AGPAT4: variants seen among roughly 807,000 people sequenced by gnomAD.
AGPAT4 encodes 1-acylglycerol-3-phosphate O-acyltransferase 4.
A neutral mutation model predicts 48.0 loss-of-function variants in AGPAT4; 15 were observed. That is an observed-to-expected ratio of 0.31 (90% CI 0.21 to 0.48). The LOEUF (loss-of-function observed/expected upper bound fraction) is 0.48, where lower values mean the gene tolerates loss of function less well. AGPAT4 is among the 20% of genes least tolerant of loss of function. The pLI is 0.99. For synonymous variants in AGPAT4, 178 were observed against 198.7 expected (o/e 0.90, Z 0.88); for missense variants, 314 against 482.5 (o/e 0.65, Z 3.27).
In AGPAT4 at chr6:161,245,784, G is replaced by A. The variant is rs769037369; in HGVS notation, c.-89-13482C>T. ...GGTAAGGAGTGCGAGGAAGGCGGGA[G>A]AATCAATATGGCTGGATTTTAAATC... On this transcript the variant is annotated intron_variant, in intron 1 of 8. Transcript: ENST00000320285. This position sits in a 1 kb window ranked among gnomAD's most constrained non-coding sequence, Gnocchi z 5.2. Among the ~76,000 whole-genome samples the A allele has an allele frequency of 6.6e-6, 1 of 152,170 alleles. No homozygotes were observed. The highest frequency in any genetic ancestry group is 1.5e-5 in the Non-Finnish European group (1 of 68,032).
rs982036853 is a variant in AGPAT4, at chr6:161,200,812, T to C, written c.178+31224A>G. ...GGATGGCTCTTGTCTCTGAGAAGGT[T>C]ATTCTATTTGGCCACAATTTCTGAT... On this transcript the variant is annotated intron_variant, in intron 2 of 8. Transcript: ENST00000320285. The surrounding 1 kb of genome is among the most constrained non-coding windows in gnomAD (Gnocchi z 5.5). Among the ~76,000 whole-genome samples the C allele has an allele frequency of 6.6e-6, 1 of 152,190 alleles. No homozygotes were observed.
chr6:161,171,082 C>T lies in AGPAT4; in HGVS notation c.179-4665G>A, dbSNP rs1455600600. On this transcript the variant is annotated intron_variant, in intron 2 of 8. Coordinates refer to ENST00000320285, the MANE Select transcript of AGPAT4 (RefSeq NM_020133.3). The surrounding 1 kb of genome is among the most constrained non-coding windows in gnomAD (Gnocchi z 4.4). ...GCAATCCATCCCGACCAGAAGCTAT[C>T]AGCAGGTGCTGCACAACAGAGATGC... 6.6e-6 allele frequency among the ~76,000 whole-genome samples: 1 copy of T among 152,232 alleles called. No individual in the cohort carries two copies. The highest frequency in any genetic ancestry group is 1.5e-5 in the Non-Finnish European group (1 of 68,042).
chr6:161,156,274 C>T (rs1435956564), intron 3 of AGPAT4, among the ~76,000 whole-genome samples: 3 of 152,212 alleles, frequency 2.0e-5, no homozygotes, highest in African/African-American at 7.2e-5. Context: ...TGCTCCTCTG[C>T]CTGCTTTTGT....
At position 161,215,198 on chromosome 6, in the gene AGPAT4, T is replaced by C. The variant is rs1379898544; in HGVS notation, c.178+16838A>G. Among the ~76,000 whole-genome samples the C allele has an allele frequency of 2.0e-5, 3 of 152,228 alleles. No individual in the cohort carries two copies. The highest frequency in any genetic ancestry group is 4.4e-5 in the Non-Finnish European group (3 of 68,046). The stretch of plus-strand genomic sequence containing the variant: ...TTGGCAAGCTACATTAATGACCCTA[T>C]TTAACTTATGATCCTACTCTTCCAT... On this transcript the variant is annotated intron_variant, in intron 2 of 8. Transcript: ENST00000320285. This position sits in a 1 kb window ranked among gnomAD's most constrained non-coding sequence, Gnocchi z 4.5.
In AGPAT4 at chr6:161,221,055, T is replaced by C. The variant is rs1358623010; in HGVS notation, c.178+10981A>G. Among the ~76,000 whole-genome samples the C allele has an allele frequency of 6.6e-6, 1 of 152,146 alleles. No homozygotes were observed. The highest frequency in any genetic ancestry group is 1.5e-5 in the Non-Finnish European group (1 of 68,028). On this transcript the variant is annotated intron_variant, in intron 2 of 8. Transcript: ENST00000320285. The surrounding 1 kb of genome is among the most constrained non-coding windows in gnomAD (Gnocchi z 4.5). ...CGCCTCAGCCTCCCAAAGTGCTGGA[T>C]TACAGGCATGAGCCACCGCACCCGG...
rs897276394 is a variant in AGPAT4 at position 161,229,525 on chromosome 6, G to T, written c.178+2511C>A. On this transcript the variant is annotated intron_variant, in intron 2 of 8. Coordinates refer to ENST00000320285, the MANE Select transcript of AGPAT4 (RefSeq NM_020133.3). This position sits in a 1 kb window ranked among gnomAD's most constrained non-coding sequence, Gnocchi z 6.0. ...GTGAAATAATTGACAGAGGAAGTCT[G>T]TCAATTATTTAGAGCAAGGAAAAGG... Among the ~76,000 whole-genome samples, 5 of 152,080 alleles carry T rather than the reference G, an allele frequency of 3.3e-5. No individual in the cohort carries two copies. Among genetic ancestry groups the T allele is most frequent in the African/African-American group, 1.2e-4 (5 of 41,402 alleles).
chr6:161,177,341 C>T lies in AGPAT4; in HGVS notation c.179-10924G>A, dbSNP rs944752081. 3.3e-5 allele frequency among the ~76,000 whole-genome samples: 5 copies of T among 152,168 alleles called. No homozygotes were observed. The highest frequency in any genetic ancestry group is 1.2e-4 in the African/African-American group (5 of 41,434). The stretch of plus-strand genomic sequence containing the variant: ...TATTTCTTGGAGGCTTTGTTTGTTT[C>T]TTTTTACTCTTCTTTCTCTAAACTT... On this transcript the variant is annotated intron_variant, in intron 2 of 8. Coordinates refer to ENST00000320285, the MANE Select transcript of AGPAT4 (RefSeq NM_020133.3). This position sits in a 1 kb window ranked among gnomAD's most constrained non-coding sequence, Gnocchi z 5.0.
In AGPAT4 at chr6:161,238,078, T is replaced by TG. The variant is rs1198632185; in HGVS notation, c.-89-5777dup. Among the ~76,000 whole-genome samples, 3 of 1,628 alleles carry TG rather than the reference T, an allele frequency of 1.8e-3. No homozygotes were observed. The highest frequency in any genetic ancestry group is 7.5e-3 in the Admixed American group (1 of 134). The allele number at this position is 1,628 out of a possible 152,430, so 1.1% of individuals were successfully genotyped here. A position where few individuals can be genotyped will look rare whatever the true frequency, so the allele number is the denominator to read the frequency against. On this transcript the variant is annotated intron_variant, in intron 1 of 8. Coordinates refer to ENST00000320285, the MANE Select transcript of AGPAT4 (RefSeq NM_020133.3). The surrounding 1 kb of genome is among the most constrained non-coding windows in gnomAD (Gnocchi z 5.2). ...TGGGGGGCTGGGGGTGGGGGGGTAA[T>TG]GGGGGGGTTGGGGGGCGGGAGGCAG...
rs1449968953 is a variant in AGPAT4 at position 161,249,421 on chromosome 6, C to A, written c.-89-17119G>T. ...ATATATTTGCAAACTATGCATCTGA[C>A]AAAGGCCTAAAATCCAGCATCCATA... On this transcript the variant is annotated intron_variant, in intron 1 of 8. Transcript: ENST00000320285. The surrounding 1 kb of genome is among the most constrained non-coding windows in gnomAD (Gnocchi z 6.2). 6.6e-6 allele frequency among the ~76,000 whole-genome samples: 1 copy of A among 152,116 alleles called. No individual in the cohort carries two copies. The highest frequency in any genetic ancestry group is 1.5e-5 in the Non-Finnish European group (1 of 68,038).
At chr6:161,150,812 A>G (rs1779568438) in intron 5 of AGPAT4, among the ~76,000 whole-genome samples, 2 of 152,192 alleles carry the variant, frequency 1.3e-5, no homozygotes, top group African/African-American at 4.8e-5. Context: ...ATCTACAGGA[A>G]CAGCTGTTCA....
rs1779217815 is a variant in AGPAT4, at chr6:161,140,597, A to G, written c.844-977T>C. 6.6e-6 allele frequency among the ~76,000 whole-genome samples: 1 copy of G among 152,206 alleles called. No homozygotes were observed. Among genetic ancestry groups the G allele is most frequent in the African/African-American group, 2.4e-5 (1 of 41,462 alleles). On this transcript the variant is annotated intron_variant, in intron 7 of 8. Coordinates refer to ENST00000320285, the MANE Select transcript of AGPAT4 (RefSeq NM_020133.3). This position sits in a 1 kb window ranked among gnomAD's most constrained non-coding sequence, Gnocchi z 6.5. ...TCAGCCGCAAGGAGCTGCTGAACAC[A>G]AGGGAGGGACCCAGGAACCCAGGTC...
chr6:161,163,351 C>T (rs12199314), intron 3 of AGPAT4, among the ~76,000 whole-genome samples: 12,753 of 152,124 alleles, frequency 0.084, 653 homozygotes, highest in African/African-American at 0.15. Flanking sequence ...CAGAAGGATC[C>T]CAACATCATG....
At position 161,139,017 on chromosome 6, in the gene AGPAT4, G is replaced by A. The variant is rs1420518322; in HGVS notation, c.1042+405C>T. Among the ~76,000 whole-genome samples, 1 of 152,228 alleles carries A rather than the reference G, an allele frequency of 6.6e-6. No individual in the cohort carries two copies. Among genetic ancestry groups the A allele is most frequent in the African/African-American group, 2.4e-5 (1 of 41,466 alleles). On this transcript the variant is annotated intron_variant, in intron 8 of 8. Transcript: ENST00000320285. The surrounding 1 kb of genome is among the most constrained non-coding windows in gnomAD (Gnocchi z 9.1). ...AGGAGAAGCCACAGGCGCCCCCAGA[G>A]GAAGGCAGGGAGCTGCCCATCCGTC...
Position 161,161,010 on chromosome 6 carries a change from A to G in AGPAT4, c.348+5238T>C, listed in dbSNP as rs1470342727. 2.2e-6 allele frequency: 1 copy of G among 455,068 alleles called. No homozygotes were observed. The highest frequency in any genetic ancestry group is 4.4e-6 in the Non-Finnish European group (1 of 226,500). The allele number at this position is 455,068 out of a possible 1,614,324, so 28.2% of individuals were successfully genotyped here. A position where few individuals can be genotyped will look rare whatever the true frequency, so the allele number is the denominator to read the frequency against. ...GCAGATGGGGCATCAGAGGGCCCTA[A>G]GCACAGAGCACGAAAGGGGGACAGT... is the stretch of plus-strand genomic sequence containing the variant. On this transcript the variant is annotated intron_variant, in intron 3 of 8. Transcript: ENST00000320285. This position sits in a 1 kb window ranked among gnomAD's most constrained non-coding sequence, Gnocchi z 4.6.
Position 161,243,427 on chromosome 6 carries a change from C to A in AGPAT4, c.-89-11125G>T, listed in dbSNP as rs928267020. 2.6e-5 allele frequency among the ~76,000 whole-genome samples: 4 copies of A among 152,224 alleles called. No homozygotes were observed. The highest frequency in any genetic ancestry group is 7.2e-5 in the African/African-American group (3 of 41,460). On this transcript the variant is annotated intron_variant, in intron 1 of 8. Coordinates refer to ENST00000320285, the MANE Select transcript of AGPAT4 (RefSeq NM_020133.3). This position sits in a 1 kb window ranked among gnomAD's most constrained non-coding sequence, Gnocchi z 4.8. ...CGTCACCAAGGCAACGTGGTCAGGACTGGCAGCTCACGTCAGAGCCTCGGC... is the reference window on the plus strand; with the variant it reads ...CGTCACCAAGGCAACGTGGTCAGGAATGGCAGCTCACGTCAGAGCCTCGGC...
Position 161,178,620 on chromosome 6 carries a change from G to A in AGPAT4, c.179-12203C>T, listed in dbSNP as rs747641937. 4.6e-5 allele frequency among the ~76,000 whole-genome samples: 7 copies of A among 152,182 alleles called. No individual in the cohort carries two copies. Among genetic ancestry groups the A allele is most frequent in the Middle Eastern group, 3.4e-3 (1 of 294 alleles). On this transcript the variant is annotated intron_variant, in intron 2 of 8. Transcript: ENST00000320285. This position sits in a 1 kb window ranked among gnomAD's most constrained non-coding sequence, Gnocchi z 5.1. Reference sequence around the variant, plus strand: ...CCACCCTGCTTCAGCTCACACTCGCGTGGGCTGCACCCACTGTCCGACAAG... The same window carrying A: ...CCACCCTGCTTCAGCTCACACTCGCATGGGCTGCACCCACTGTCCGACAAG...
chr6:161,269,938 A>G (rs1034775137), intron 1 of AGPAT4, among the ~76,000 whole-genome samples: 1 of 152,242 alleles, frequency 6.6e-6, no homozygotes, highest in Non-Finnish European at 1.5e-5. Context: ...GAGAAACAAG[A>G]TAACGACAAA....
intron 2 of AGPAT4, among the ~76,000 whole-genome samples, chr6:161,199,392 GTTA>G (rs1318009738): frequency 6.6e-6 from 1 of 152,146 alleles, no homozygotes; most frequent in Non-Finnish European, 1.5e-5. Flanking sequence ...CAGAGACCCA[GTTA>G]TCTAATCAAA....
Position 161,149,481 on chromosome 6 carries a change from TC to T in AGPAT4, c.665-193del, listed in dbSNP as rs1779527633. On this transcript the variant is annotated intron_variant, in intron 5 of 8. Coordinates refer to ENST00000320285, the MANE Select transcript of AGPAT4 (RefSeq NM_020133.3). This position sits in a 1 kb window ranked among gnomAD's most constrained non-coding sequence, Gnocchi z 6.5. ...TGTATTATCTTTTGTAATCATAAAA[TC>T]CCACTAGAACTTAGTAATAGAAAAC... Among the ~76,000 whole-genome samples, 1 of 152,182 alleles carries T rather than the reference TC, an allele frequency of 6.6e-6. No individual in the cohort carries two copies. The highest frequency in any genetic ancestry group is 2.4e-5 in the African/African-American group (1 of 41,442).
Sources: allele counts gnomAD v4.1 joint callset (sites outside exome capture counted in the v4.1 genomes callset), GRCh38; gene constraint gnomAD v4.1.1; non-coding constraint Gnocchi (gnomAD v3.1); transcripts MANE v1.5; gene names NCBI Gene and HGNC (gene_info 2026-07-23, HGNC 2026-07-21).